SCYL2: variants seen among roughly 807,000 people sequenced by gnomAD.
SCYL2 encodes the protein SCY1-like protein 2.
In SCYL2, 36 loss-of-function variants were observed where a neutral mutation model predicts 100.4. The observed-to-expected ratio is 0.36, with a 90% confidence interval of 0.27 to 0.47. SCYL2 has a LOEUF of 0.47. Among genes scored for constraint, SCYL2 ranks in the 20% least tolerant of loss-of-function variants. The pLI is 1.00. For synonymous variants in SCYL2, 330 were observed against 359.2 expected (o/e 0.92, Z 0.92); for missense variants, 902 against 1,083.9 (o/e 0.83, Z 2.36).
rs771203860 is a variant in SCYL2, at chr12:100,323,527, G to C, written c.1398G>C (p.Glu466Asp). ...GATTCAGTTTATTTTCTTTATAGGA[G>C]CTCTGTCTAAACATCATTCCAACCT... Reference protein sequence around the residue: ...ALEAPSIQIQELCLNIIPTFA... With the variant: ...ALEAPSIQIQDLCLNIIPTFA... Residue 466 changes from glutamate to aspartate, a missense_variant and splice_region_variant, in exon 11 of 18, where the codon GAG (glutamate) becomes GAC (aspartate). Coordinates refer to ENST00000360820, the MANE Select transcript of SCYL2 (RefSeq NM_017988.6). 4 of 1,535,490 alleles carry C rather than the reference G, an allele frequency of 2.6e-6. No homozygotes were observed. The South Asian group carries it at 4.6e-5, about 18-fold the overall frequency.
chr12:100,314,640 A>G, intron 8 of SCYL2, 26 bp downstream of exon 8: 1 of 1,567,128 alleles, frequency 6.4e-7, no homozygotes, highest in South Asian at 1.2e-5. Context: ...TTTCTTATTA[A>G]TAATCAGGAT....
chr12:100,288,096 G>A (rs1255379595), intron 2 of SCYL2, among the ~76,000 whole-genome samples: 1 of 152,178 alleles, frequency 6.6e-6, no homozygotes, highest in Non-Finnish European at 1.5e-5. Context: ...TCTGATGAAA[G>A]GCTTTGTACA....
chr12:100,307,812 A>G (rs1202415184), intron 4 of SCYL2, among the ~76,000 whole-genome samples: 1 of 152,216 alleles, frequency 6.6e-6, no homozygotes, highest in African/African-American at 2.4e-5. Flanking sequence ...AAACAACCCC[A>G]TCAAAAAGTG....
chr12:100,291,159 T>C (rs1319041180), intron 2 of SCYL2, among the ~76,000 whole-genome samples: 2 of 152,254 alleles, frequency 1.3e-5, no homozygotes, highest in African/African-American at 4.8e-5. Context: ...TTCACGATTA[T>C]CATTGTAAGT....
chr12:100,279,684 A>G (rs928590255), intron 1 of SCYL2, among the ~76,000 whole-genome samples: 6 of 152,212 alleles, frequency 3.9e-5, no homozygotes, highest in African/African-American at 1.4e-4. Flanking sequence ...TTACCCCACT[A>G]TTAAGGCATG....
chr12:100,312,836 G>C (rs1190455638), intron 6 of SCYL2, among the ~76,000 whole-genome samples, 183 bp downstream of exon 6: 2 of 152,162 alleles, frequency 1.3e-5, no homozygotes, highest in African/African-American at 4.8e-5. Context: ...ACGCAGACTA[G>C]GCCAGGTGCT....
At chr12:100,313,098 C>T (rs1490268429) in intron 6 of SCYL2, among the ~76,000 whole-genome samples, 1 of 152,128 alleles carries the variant, frequency 6.6e-6, no homozygotes, top group African/African-American at 2.4e-5. Context: ...CACTGCATGC[C>T]AGCCTGGGGT....
intron 9 of SCYL2, among the ~76,000 whole-genome samples, chr12:100,317,342 C>T (rs1420237748): frequency 1.3e-5 from 2 of 152,110 alleles, no homozygotes; most frequent in African/African-American, 4.8e-5. Flanking sequence ...CTGTTTCAGC[C>T]GCCCAAATAG....
At chr12:100,280,702 T>C (rs1249554449) in intron 1 of SCYL2, among the ~76,000 whole-genome samples, 2 of 152,192 alleles carry the variant, frequency 1.3e-5, no homozygotes, top group Non-Finnish European at 2.9e-5. Flanking sequence ...AGCAGTGATA[T>C]GGTGCTTAAA....
chr12:100,283,868 A>G (rs1242373721), intron 2 of SCYL2, among the ~76,000 whole-genome samples: 1 of 152,196 alleles, frequency 6.6e-6, no homozygotes, highest in Non-Finnish European at 1.5e-5. Context: ...CAACCTGTTA[A>G]GTCTTGTTTT....
chr12:100,320,272 C>T lies in SCYL2; in HGVS notation c.1395+2347C>T, dbSNP rs111950280. On this transcript the variant is annotated intron_variant, in intron 10 of 17. Transcript: ENST00000360820. ...TAAGTTCCTCATCCCGGGCTGGGTGCGGTGGCTCATGCCTGTAATCCCAGT... is the reference window on the plus strand; with the variant it reads ...TAAGTTCCTCATCCCGGGCTGGGTGTGGTGGCTCATGCCTGTAATCCCAGT... Among the ~76,000 whole-genome samples the T allele has an allele frequency of 3.0e-3, 455 of 152,112 alleles. 1 individual carries two copies. Among genetic ancestry groups the T allele is most frequent in the Middle Eastern group, 0.01 (3 of 294 alleles).
chr12:100,304,496 T>C (rs1011068612), intron 4 of SCYL2, among the ~76,000 whole-genome samples: 4 of 152,058 alleles, frequency 2.6e-5, no homozygotes, highest in African/African-American at 9.7e-5. Flanking sequence ...TCTCATGGCT[T>C]CCCTTGGCGA....
chr12:100,290,611 G>A (rs971242423), intron 2 of SCYL2, among the ~76,000 whole-genome samples: 5 of 152,164 alleles, frequency 3.3e-5, no homozygotes, highest in Non-Finnish European at 5.9e-5. Context: ...AAAACTAATT[G>A]TCTTGGATAT....
In SCYL2 at chr12:100,278,320, C is replaced by G. The variant is rs553879835; in HGVS notation, c.-28-4623C>G. On this transcript the variant is annotated intron_variant, in intron 1 of 17. Transcript: ENST00000360820. ...TCTCAATTGATTCTTCTGCCTCAGC[C>G]TCCTGAGTAGATGAGACTACAGTCA... 2.0e-5 allele frequency among the ~76,000 whole-genome samples: 3 copies of G among 152,242 alleles called. No individual in the cohort carries two copies. The East Asian group carries it at 5.8e-4, about 29-fold the overall frequency.
intron 9 of SCYL2, 197 bp from the exon 10 acceptor site, chr12:100,317,606 G>T: frequency 7.9e-7 from 1 of 1,261,948 alleles, no homozygotes; most frequent in South Asian, 2.0e-5. Flanking sequence ...TTTAAACTCA[G>T]AGCAGATGTT....
At chr12:100,268,371 T>C (rs1373316944) in intron 1 of SCYL2, among the ~76,000 whole-genome samples, 1 of 152,184 alleles carries the variant, frequency 6.6e-6, no homozygotes, top group Non-Finnish European at 1.5e-5. Flanking sequence ...AGTCAGGTGC[T>C]TGAAGATTCC....
At chr12:100,328,498 G>A (rs903355496) in intron 12 of SCYL2, among the ~76,000 whole-genome samples, 1 of 152,186 alleles carries the variant, frequency 6.6e-6, no homozygotes, top group East Asian at 1.9e-4. Context: ...GCCCAATAAA[G>A]TTACTCTTTG....
At chr12:100,323,070 G>A (rs886810257) in intron 10 of SCYL2, among the ~76,000 whole-genome samples, 9 of 150,864 alleles carry the variant, frequency 6.0e-5, no homozygotes, top group Admixed American at 6.0e-4. Context: ...CTTTCGGTAT[G>A]TTGTTTTAAA....
At position 100,267,263 on chromosome 12, in the gene SCYL2, G is replaced by T. The variant is rs185811642; in HGVS notation, c.-558G>T. 1.0e-3 allele frequency: 620 copies of T among 614,226 alleles called. 2 individuals carry two copies. In the Middle Eastern group the frequency reaches 0.013, roughly 13 times the overall value. The allele number at this position is 614,226 out of a possible 1,614,324, so 38.0% of individuals were successfully genotyped here. ...CTAGCTCCGACGTTTGCGGCCGCGG[G>T]GGCGGCGGAGGATATGGAGTAAAGC... On this transcript the variant is annotated 5_prime_UTR_variant, in exon 1 of 18. Coordinates refer to ENST00000360820, the MANE Select transcript of SCYL2 (RefSeq NM_017988.6).
Sources: allele counts gnomAD v4.1 joint callset (sites outside exome capture counted in the v4.1 genomes callset), GRCh38; gene constraint gnomAD v4.1.1; transcripts MANE v1.5; gene names NCBI Gene and HGNC (gene_info 2026-07-23, HGNC 2026-07-21).